PCGF6: variants seen among roughly 807,000 people sequenced by gnomAD.
PCGF6 encodes the protein polycomb group RING finger protein 6.
A neutral mutation model predicts 45.5 loss-of-function variants in PCGF6; 24 were observed. That is an observed-to-expected ratio of 0.53 (90% CI 0.38 to 0.74). The LOEUF is 0.74. Among genes scored for constraint, PCGF6 ranks in the 30% least tolerant of loss-of-function variants. PCGF6 has a pLI of 0.00. For synonymous variants in PCGF6, 152 were observed against 162.1 expected (o/e 0.94, Z 0.47); for missense variants, 356 against 443.2 (o/e 0.80, Z 1.77).
chr10:103,323,589 C>T (rs1380239683), intron 8 of PCGF6, among the ~76,000 whole-genome samples: 1 of 147,414 alleles, frequency 6.8e-6, no homozygotes, highest in Non-Finnish European at 1.5e-5. Flanking sequence ...GCCACCGCGT[C>T]CGGCCCCTTT....
intron 9 of PCGF6, among the ~76,000 whole-genome samples, chr10:103,306,299 T>C (rs1249523424): frequency 6.6e-6 from 1 of 152,106 alleles, no homozygotes; most frequent in Non-Finnish European, 1.5e-5. Flanking sequence ...GGTTTCTCCA[T>C]GTTGGTCAGG....
rs1197790629 is a variant in PCGF6 at position 103,337,991 on chromosome 10, G to A, written c.783-4039C>T. Among the ~76,000 whole-genome samples, 4 of 54,266 alleles carry A rather than the reference G, an allele frequency of 7.4e-5. 1 individual carries two copies. Among genetic ancestry groups the A allele is most frequent in the African/African-American group, 2.6e-4 (4 of 15,582 alleles). 35.6% of individuals were successfully genotyped at this position (54,266 alleles called of 152,430 possible). A position where few individuals can be genotyped will look rare whatever the true frequency, so the allele number is the denominator to read the frequency against. ...AGGCAGGAGAATGGCGTGAACCCGG[G>A]AGGCGGAGCTTGCAGTGAGCCGAGA... On this transcript the variant is annotated intron_variant, in intron 6 of 9. Transcript: ENST00000369847.
At chr10:103,311,447 CTT>C (rs764380692) in intron 9 of PCGF6, among the ~76,000 whole-genome samples, 29 of 137,344 alleles carry the variant, frequency 2.1e-4, no homozygotes, top group Middle Eastern at 3.6e-3. Flanking sequence ...CGGCCTCTCT[CTT>C]TTTTTTTTTT....
chr10:103,305,469 C>T (rs2093135060), intron 9 of PCGF6, among the ~76,000 whole-genome samples: 1 of 152,002 alleles, frequency 6.6e-6, no homozygotes, highest in Admixed American at 6.6e-5. Flanking sequence ...CGGGGTTTCA[C>T]CATGTTGGCC....
chr10:103,328,123 G>A (rs1329910843), intron 7 of PCGF6, among the ~76,000 whole-genome samples: 1 of 152,150 alleles, frequency 6.6e-6, no homozygotes, highest in African/African-American at 2.4e-5. Context: ...GCTCCGATCT[G>A]AGACAACTAA....
At chr10:103,318,617 C>T (rs1315097442) in intron 8 of PCGF6, among the ~76,000 whole-genome samples, 1 of 151,532 alleles carries the variant, frequency 6.6e-6, no homozygotes, top group African/African-American at 2.4e-5. Flanking sequence ...TGGTGGCGGT[C>T]GCCTGTAATC....
At chr10:103,308,116 G>T (rs978419748) in intron 9 of PCGF6, among the ~76,000 whole-genome samples, 1 of 152,042 alleles carries the variant, frequency 6.6e-6, no homozygotes, top group African/African-American at 2.4e-5. Context: ...AGTGCGGAGG[G>T]GAAAAGTGGG....
intron 8 of PCGF6, among the ~76,000 whole-genome samples, chr10:103,325,759 C>T (rs1436424838): frequency 6.6e-6 from 1 of 151,750 alleles, no homozygotes; most frequent in African/African-American, 2.4e-5. Context: ...TGGCTAACTC[C>T]TATAATCCTA....
chr10:103,308,614 G>A (rs910344324), intron 9 of PCGF6, among the ~76,000 whole-genome samples: 1 of 152,044 alleles, frequency 6.6e-6, no homozygotes, highest in African/African-American at 2.4e-5. Flanking sequence ...GATCACGCCT[G>A]TAATCCCAGC....
chr10:103,345,759 C>T (rs956881334), intron 5 of PCGF6, among the ~76,000 whole-genome samples: 11 of 151,244 alleles, frequency 7.3e-5, no homozygotes, highest in Middle Eastern at 3.4e-3. Flanking sequence ...GACTGGAAGG[C>T]GGAGGTTGCA....
intron 6 of PCGF6, among the ~76,000 whole-genome samples, chr10:103,340,195 AAAAATATATAT>A (rs1313344884): frequency 3.8e-5 from 4 of 105,566 alleles, no homozygotes; most frequent in African/African-American, 1.2e-4. Flanking sequence ...AAAAAAAAAA[AAAAATATATAT>A]ATATATATAT....
At chr10:103,338,668 A>T (rs891525252) in intron 6 of PCGF6, among the ~76,000 whole-genome samples, 1 of 151,656 alleles carries the variant, frequency 6.6e-6, no homozygotes, top group African/African-American at 2.4e-5. Flanking sequence ...GGAGTTCGAG[A>T]CCAGCCTGGC....
intron 9 of PCGF6, 34 bp from the exon 10 acceptor site, chr10:103,303,995 T>C (rs2093128436): frequency 2.5e-6 from 4 of 1,573,802 alleles, no homozygotes; most frequent in East Asian, 2.2e-5. Context: ...GATTTTGCAG[T>C]TCTTTCAAAC....
chr10:103,330,906 G>A (rs1449405275), intron 7 of PCGF6, among the ~76,000 whole-genome samples: 1 of 152,160 alleles, frequency 6.6e-6, no homozygotes, highest in Non-Finnish European at 1.5e-5. Flanking sequence ...TCCAGCCTGG[G>A]TGACAGAGCG....
chr10:103,321,584 T>C (rs1017508473), intron 8 of PCGF6, among the ~76,000 whole-genome samples: 29 of 152,022 alleles, frequency 1.9e-4, no homozygotes, highest in Admixed American at 9.8e-4. Context: ...TGGTGGTGGG[T>C]GCCTGTAGTC....
chr10:103,303,908 A>C lies in PCGF6; in HGVS notation c.1050T>G (p.Thr350=). ...YGLVVSPLKI[T] is the part of the protein sequence containing the mutation. ...CCTCATAATGTGCCTAGAATCTTCAAGTTATCTTCAGAGGAGAAACCACAA... is the reference window on the plus strand; with the variant it reads ...CCTCATAATGTGCCTAGAATCTTCACGTTATCTTCAGAGGAGAAACCACAA... The change falls in exon 10 of 10, where the codon ACT becomes ACG. Residue 350 remains threonine, a synonymous_variant. Transcript: ENST00000369847. The C allele has an allele frequency of 6.2e-7, 1 of 1,612,056 alleles. No homozygotes were observed. Among genetic ancestry groups the C allele is most frequent in the Non-Finnish European group, 8.5e-7 (1 of 1,178,252 alleles).
Position 103,347,314 on chromosome 10 carries a change from C to G in PCGF6, c.614-17G>C. On this transcript the variant is annotated splice_polypyrimidine_tract_variant and intron_variant, in intron 4 of 9. Transcript: ENST00000369847. ...TTTTTTCTCCTAAAAAATGATAAAA[C>G]ACAGACTAAATTACACTTAAAATGT... The G allele has an allele frequency of 6.3e-7, 1 of 1,598,436 alleles. No individual in the cohort carries two copies.
At position 103,304,364 on chromosome 10, in the gene PCGF6, G is replaced by A. The variant is rs575348818; in HGVS notation, c.997-403C>T. Among the ~76,000 whole-genome samples, 24 of 144,086 alleles carry A rather than the reference G, an allele frequency of 1.7e-4. No individual in the cohort carries two copies. In the East Asian group the frequency reaches 2.6e-3, roughly 16 times the overall value. 94.5% of individuals were successfully genotyped at this position (144,086 alleles called of 152,430 possible). A position where few individuals can be genotyped will look rare whatever the true frequency, so the allele number is the denominator to read the frequency against. On this transcript the variant is annotated intron_variant, in intron 9 of 9. Coordinates refer to ENST00000369847, the MANE Select transcript of PCGF6 (RefSeq NM_001011663.2). ...TATACATTTATTTATTTTTTGAGTC[G>A]GAATCTTGCTCTGTTGCCCAGGCTG...
At chr10:103,346,730 G>A (rs2093301132) in intron 5 of PCGF6, among the ~76,000 whole-genome samples, 1 of 152,194 alleles carries the variant, frequency 6.6e-6, no homozygotes, top group Non-Finnish European at 1.5e-5. Context: ...AGAAGGTGGA[G>A]GTTGCGGTGA....
Sources: gnomAD v4.1 joint callset for allele counts (sites outside exome capture counted in the v4.1 genomes callset) on GRCh38, gnomAD v4.1.1 for gene constraint, MANE v1.5 for transcripts, NCBI Gene and HGNC (gene_info 2026-07-23, HGNC 2026-07-21) for gene names.